Variants in TSPAN33 observed in about 807,000 individuals in gnomAD.
The protein encoded by TSPAN33 is tetraspanin-33.
A neutral mutation model predicts 34.8 loss-of-function variants in TSPAN33; 27 were observed. The ratio of observed to expected loss-of-function variants is 0.78; its 90% confidence interval spans 0.57 to 1.07. TSPAN33 has a LOEUF of 1.07. TSPAN33 is among the 50% of genes least tolerant of loss of function. TSPAN33 has a pLI of 0.00. For missense variants in TSPAN33, 272 were observed against 324.9 expected (o/e 0.84, Z 1.25); for synonymous variants, 119 against 124.2 (o/e 0.96, Z 0.28).
chr7:129,164,821 A>G (rs1793112832), intron 5 of TSPAN33: 1 of 409,920 alleles, frequency 2.4e-6, no homozygotes, highest in Admixed American at 3.7e-5. Context: ...AGATTCTTGA[A>G]TATTACCTCT....
chr7:129,167,242 G>A lies in TSPAN33; in HGVS notation c.589-157G>A, dbSNP rs760177152. On this transcript the variant is annotated intron_variant, in intron 6 of 7. Coordinates refer to ENST00000486685, the MANE Select transcript of TSPAN33 (RefSeq NM_178562.5). This position sits in a 1 kb window ranked among gnomAD's most constrained non-coding sequence, Gnocchi z 4.6. ...CCTGGATCCTGACCTCTCAGAGGAAGGGAAGTCTGCATTTGGCAACTTCCA... is the reference window on the plus strand; with the variant it reads ...CCTGGATCCTGACCTCTCAGAGGAAAGGAAGTCTGCATTTGGCAACTTCCA... 1.4e-4 allele frequency among the ~76,000 whole-genome samples: 21 copies of A among 152,262 alleles called. 1 individual carries two copies. The highest frequency in any genetic ancestry group is 6.8e-3 in the Middle Eastern group (2 of 294).
chr7:129,145,376 G>A (rs1274880183), intron 1 of TSPAN33, among the ~76,000 whole-genome samples: 1 of 152,066 alleles, frequency 6.6e-6, no homozygotes, highest in African/African-American at 2.4e-5. Context: ...GGCCCAAGGC[G>A]GACCCACTGA....
chr7:129,149,266 G>A (rs1991647), intron 1 of TSPAN33, among the ~76,000 whole-genome samples: 150,755 of 152,358 alleles, frequency 0.99, 74,604 homozygotes, highest in Middle Eastern at 1. Flanking sequence ...CTTTAAAAAG[G>A]AAAAAAGAAG....
At chr7:129,163,662 A>G (rs1189890142) in intron 4 of TSPAN33, among the ~76,000 whole-genome samples, 2 of 152,178 alleles carry the variant, frequency 1.3e-5, no homozygotes, top group Non-Finnish European at 2.9e-5. Context: ...GGAAGAGACT[A>G]TGGTAGAAAA....
chr7:129,160,898 T>C (rs1793038147), intron 1 of TSPAN33, among the ~76,000 whole-genome samples: 1 of 152,210 alleles, frequency 6.6e-6, no homozygotes, highest in Non-Finnish European at 1.5e-5. Flanking sequence ...ATAGATAATA[T>C]TTATTGTCAG....
At chr7:129,162,963 G>T in intron 4 of TSPAN33, 56 bp downstream of exon 4, 2 of 1,535,190 alleles carry the variant, frequency 1.3e-6, no homozygotes, top group Non-Finnish European at 9.0e-7. Flanking sequence ...AGGAAGGAAG[G>T]TTCCTGCCCA....
chr7:129,160,176 CAAG>C (rs757906217), intron 1 of TSPAN33, among the ~76,000 whole-genome samples: 4 of 152,332 alleles, frequency 2.6e-5, no homozygotes, highest in Non-Finnish European at 5.9e-5. Context: ...GGACCTTCAA[CAAG>C]GAGGCCTACA....
chr7:129,147,559 A>G (rs761372845), intron 1 of TSPAN33, among the ~76,000 whole-genome samples: 9 of 152,200 alleles, frequency 5.9e-5, no homozygotes, highest in Non-Finnish European at 8.8e-5. Flanking sequence ...CTCTTCAGGG[A>G]CTGGTTCCCA....
In TSPAN33 at chr7:129,167,677, GA is replaced by G. The variant is rs1793163040; in HGVS notation, c.751-93del. ...GGCACTGACATGGCTGAGGGGTAGG[GA>G]AAGGGATAGTGCTGGCCGCACTGGG... On this transcript the variant is annotated intron_variant, in intron 7 of 7. Coordinates refer to ENST00000486685, the MANE Select transcript of TSPAN33 (RefSeq NM_178562.5). The surrounding 1 kb of genome is among the most constrained non-coding windows in gnomAD (Gnocchi z 4.6). 1 of 1,563,050 alleles carries G rather than the reference GA, an allele frequency of 6.4e-7. No individual in the cohort carries two copies. Among genetic ancestry groups the G allele is most frequent in the African/African-American group, 1.3e-5 (1 of 74,108 alleles).
rs1793171294 is a variant in TSPAN33 at position 129,168,053 on chromosome 7, G to A, written c.*179G>A. On this transcript the variant is annotated 3_prime_UTR_variant, in exon 8 of 8. Coordinates refer to ENST00000486685, the MANE Select transcript of TSPAN33 (RefSeq NM_178562.5). Reference sequence around the variant, plus strand: ...GGTGCACAGGTGGCTCCAGTCTCAGGAGGATGCGCCTCCTCTCCCCCATCC... The same window carrying A: ...GGTGCACAGGTGGCTCCAGTCTCAGAAGGATGCGCCTCCTCTCCCCCATCC... 1.5e-6 allele frequency: 2 copies of A among 1,301,950 alleles called. No individual in the cohort carries two copies. The highest frequency in any genetic ancestry group is 2.8e-5 in the Admixed American group (1 of 36,352). The allele number at this position is 1,301,950 out of a possible 1,614,324, so 80.6% of individuals were successfully genotyped here. A position where few individuals can be genotyped will look rare whatever the true frequency, so the allele number is the denominator to read the frequency against.
At chr7:129,146,269 T>C (rs985190295) in intron 1 of TSPAN33, among the ~76,000 whole-genome samples, 3 of 152,170 alleles carry the variant, frequency 2.0e-5, no homozygotes, top group African/African-American at 7.2e-5. Flanking sequence ...AGTGCTGGCC[T>C]GTTGGGACAA....
rs532544348 is a variant in TSPAN33, at chr7:129,152,802, T to TA, written c.102+7722dup. Among the ~76,000 whole-genome samples the TA allele has an allele frequency of 3.0e-4, 46 of 152,150 alleles. No individual in the cohort carries two copies. The East Asian group carries it at 7.9e-3, about 26-fold the overall frequency. ...ACCGAACGCGGGTGGCTCACACCTG[T>TA]AATCCTAGCACTTGGGGAGGCCAAG... On this transcript the variant is annotated intron_variant, in intron 1 of 7. Coordinates refer to ENST00000486685, the MANE Select transcript of TSPAN33 (RefSeq NM_178562.5).
chr7:129,150,972 T>C (rs1810585682), intron 1 of TSPAN33, among the ~76,000 whole-genome samples: 1 of 152,154 alleles, frequency 6.6e-6, no homozygotes, highest in African/African-American at 2.4e-5. Flanking sequence ...AGACAATCAT[T>C]ATTGGTAGCT....
intron 4 of TSPAN33, among the ~76,000 whole-genome samples, chr7:129,163,547 A>T (rs535182595): frequency 6.6e-6 from 1 of 152,198 alleles, no homozygotes; most frequent in East Asian, 1.9e-4. Context: ...ATTCAGTGAC[A>T]GTCCTTTTTA....
intron 1 of TSPAN33, among the ~76,000 whole-genome samples, chr7:129,146,602 C>T (rs1235928509): frequency 2.0e-5 from 3 of 152,122 alleles, no homozygotes; most frequent in African/African-American, 7.2e-5. Context: ...TAGTAGTTAA[C>T]CAGTCAACCC....
At chr7:129,145,882 C>T (rs1810513991) in intron 1 of TSPAN33, among the ~76,000 whole-genome samples, 1 of 152,028 alleles carries the variant, frequency 6.6e-6, no homozygotes, top group Non-Finnish European at 1.5e-5. Context: ...TGACTCCCTC[C>T]CCCACAAATC....
At chr7:129,146,260 G>A (rs535057903) in intron 1 of TSPAN33, among the ~76,000 whole-genome samples, 10 of 152,318 alleles carry the variant, frequency 6.6e-5, no homozygotes, top group African/African-American at 2.4e-4. Flanking sequence ...AAGCCCATAA[G>A]TGCTGGCCTG....
At chr7:129,153,059 CAAAAAAAAAAAAA>C (rs35432172) in intron 1 of TSPAN33, among the ~76,000 whole-genome samples, 9 of 82,454 alleles carry the variant, frequency 1.1e-4, no homozygotes, top group Non-Finnish European at 1.2e-4. Context: ...AACTCCGTCT[CAAAAAAAAAAAAA>C]AAAAAAAAAA....
rs1224085477 is a variant in TSPAN33 at position 129,168,065 on chromosome 7, C to T, written c.*191C>T. 33 of 1,147,142 alleles carry T rather than the reference C, an allele frequency of 2.9e-5. No homozygotes were observed. Among genetic ancestry groups the T allele is most frequent in the Non-Finnish European group, 3.7e-5 (31 of 838,742 alleles). 71.1% of individuals were successfully genotyped at this position (1,147,142 alleles called of 1,614,324 possible). ...GCTCCAGTCTCAGGAGGATGCGCCTCCTCTCCCCCATCCCAGCCCTCAGCA... is the reference window on the plus strand; with the variant it reads ...GCTCCAGTCTCAGGAGGATGCGCCTTCTCTCCCCCATCCCAGCCCTCAGCA... On this transcript the variant is annotated 3_prime_UTR_variant, in exon 8 of 8. Coordinates refer to ENST00000486685, the MANE Select transcript of TSPAN33 (RefSeq NM_178562.5).
Sources: gnomAD v4.1 joint callset for allele counts (sites outside exome capture counted in the v4.1 genomes callset) on GRCh38, gnomAD v4.1.1 for gene constraint, Gnocchi (gnomAD v3.1) non-coding constraint, MANE v1.5 for transcripts, NCBI Gene and HGNC (gene_info 2026-07-23, HGNC 2026-07-21) for gene names.